Variants in YLPM1 observed in about 807,000 individuals in gnomAD.
YLPM1 encodes the protein YLP motif containing 1.
YLPM1 carries 99 observed loss-of-function variants against 230.0 expected under a neutral mutation model. The observed-to-expected ratio is 0.43, with a 90% CI of 0.37 to 0.51. YLPM1 has a LOEUF of 0.51. Among genes scored for constraint, YLPM1 ranks in the 20% least tolerant of loss-of-function variants. YLPM1 has a pLI of 0.00. For missense variants in YLPM1, 2,592 were observed against 2,707.7 expected (o/e 0.96, Z 0.95); for synonymous variants, 984 against 942.5 (o/e 1.04, Z -0.81).
At chr14:74,835,562 C>T (rs1156328824) in intron 20 of YLPM1, 115 bp downstream of exon 20, 1 of 916,598 alleles carries the variant, frequency 1.1e-6, no homozygotes, top group African/African-American at 1.7e-5. Context: ...TTTTATAGTT[C>T]TGAAAGAGTA....
intron 15 of YLPM1, among the ~76,000 whole-genome samples, chr14:74,817,898 A>G (rs141147607): frequency 0.013 from 1,961 of 151,938 alleles, 17 homozygotes; most frequent in Middle Eastern, 0.031. Context: ...CTACAAAAAA[A>G]TACAAAAATT....
chr14:74,800,482 A>G (rs1280356033), intron 5 of YLPM1, among the ~76,000 whole-genome samples: 1 of 152,228 alleles, frequency 6.6e-6, no homozygotes, highest in African/African-American at 2.4e-5. Context: ...TGGGATAGGA[A>G]TTTAGAAGTC....
At chr14:74,819,452 T>C (rs1201203725) in intron 16 of YLPM1, among the ~76,000 whole-genome samples, 1 of 152,110 alleles carries the variant, frequency 6.6e-6, no homozygotes, top group Non-Finnish European at 1.5e-5. Context: ...TTTTTGTATT[T>C]TTAGTAGAGA....
rs1445795180 is a variant in YLPM1, at chr14:74,818,300, G to A, written c.6016G>A (p.Ala2006Thr). Residue 2006 changes from alanine to threonine, a missense_variant, in exon 16 of 21, where the codon GCT becomes ACT. Around this residue, in one of 4 missense-constraint regions of YLPM1, gnomAD observed 315 missense variants for 429.3 expected, o/e 0.73. Coordinates refer to ENST00000325680, the MANE Select transcript of YLPM1 (RefSeq NM_019589.3). ...AGATATTCGTTCTTTGCTGCAAGATGCTGCTATTGAAGAGGTGAGTATCCT... is the reference window on the plus strand; with the variant it reads ...AGATATTCGTTCTTTGCTGCAAGATACTGCTATTGAAGAGGTGAGTATCCT... Reference protein sequence around the residue: ...RLDIRSLLQDAAIEEVEMEDF... With the variant: ...RLDIRSLLQDTAIEEVEMEDF... 2 of 1,601,486 alleles carry A rather than the reference G, an allele frequency of 1.2e-6. No individual in the cohort carries two copies. Among genetic ancestry groups the A allele is most frequent in the East Asian group, 2.2e-5 (1 of 44,534 alleles).
intron 6 of YLPM1, among the ~76,000 whole-genome samples, chr14:74,808,285 G>A (rs2091398562): frequency 6.6e-6 from 1 of 152,070 alleles, no homozygotes; most frequent in African/African-American, 2.4e-5. Context: ...CCATGTTGTA[G>A]CATGACTCAG....
At chr14:74,829,473 C>A (rs1284255248) in intron 19 of YLPM1, 130 bp downstream of exon 19, 3 of 1,287,232 alleles carry the variant, frequency 2.3e-6, no homozygotes, top group Admixed American at 4.4e-5. Context: ...TGTCATGTAT[C>A]CCAAGAAGGA....
At position 74,834,091 on chromosome 14, in the gene YLPM1, G is replaced by A. The variant is rs1457709918; in HGVS notation, c.6295-1174G>A. Among the ~76,000 whole-genome samples, 3 of 151,426 alleles carry A rather than the reference G, an allele frequency of 2.0e-5. No homozygotes were observed. In the East Asian group the frequency reaches 5.8e-4, roughly 29 times the overall value. On this transcript the variant is annotated intron_variant, in intron 19 of 20. Transcript: ENST00000325680. ...TGGCTGGGCATGGTGGCTCATGCTT[G>A]TAATCCTAGCACTTTGGGCGGCCAA...
chr14:74,793,469 C>T (rs1046014527), intron 4 of YLPM1, among the ~76,000 whole-genome samples: 18 of 151,962 alleles, frequency 1.2e-4, no homozygotes, highest in African/African-American at 4.4e-4. Context: ...TTATAAATAG[C>T]ACATTGTTCT....
At chr14:74,802,477 T>C in intron 5 of YLPM1, 79 bp from the exon 6 acceptor site, 1 of 1,478,306 alleles carries the variant, frequency 6.8e-7, no homozygotes, top group African/African-American at 1.4e-5. Context: ...TCTCCTTTTT[T>C]TAATTAAATA....
intron 10 of YLPM1, among the ~76,000 whole-genome samples, chr14:74,812,336 T>C (rs10483861): frequency 0.11 from 16,915 of 152,218 alleles, 1,357 homozygotes; most frequent in African/African-American, 0.23. Context: ...CAGCAAAGCA[T>C]TTATTATTCT....
At chr14:74,821,246 G>T in intron 17 of YLPM1, 109 bp downstream of exon 17, 2 of 1,364,658 alleles carry the variant, frequency 1.5e-6, no homozygotes, top group South Asian at 2.0e-5. Flanking sequence ...ACACTTTAGT[G>T]GTAAAAGTTT....
intron 4 of YLPM1, among the ~76,000 whole-genome samples, chr14:74,788,310 C>A (rs527283736): frequency 6.6e-6 from 1 of 152,130 alleles, no homozygotes; most frequent in East Asian, 1.9e-4. Context: ...TTAGTAGAGA[C>A]GGGGTTTCAC....
chr14:74,784,038 T>C lies in YLPM1; in HGVS notation c.2282+1713T>C, dbSNP rs183563650. ...TTACTGCCATGATTCAAGCCTATAC[T>C]GTCAGTGCTTATTTGGCATGTGTAT... On this transcript the variant is annotated intron_variant, in intron 4 of 20. Transcript: ENST00000325680. Among the ~76,000 whole-genome samples the C allele has an allele frequency of 5.3e-5, 8 of 152,360 alleles. No individual in the cohort carries two copies. The East Asian group carries it at 9.6e-4, about 18-fold the overall frequency.
intron 5 of YLPM1, among the ~76,000 whole-genome samples, chr14:74,801,230 T>C (rs1435026951): frequency 6.6e-6 from 1 of 152,216 alleles, no homozygotes; most frequent in Non-Finnish European, 1.5e-5. Flanking sequence ...ATGGATAATG[T>C]CATAGCCGAA....
chr14:74,802,717 C>T, intron 6 of YLPM1, 41 bp downstream of exon 6: 7 of 1,552,476 alleles, frequency 4.5e-6, no homozygotes, highest in Admixed American at 2.0e-5. Context: ...ATGGTTTCTA[C>T]TTTGTATGTT....
At chr14:74,826,419 A>G (rs1009244779) in intron 18 of YLPM1, among the ~76,000 whole-genome samples, 1 of 152,156 alleles carries the variant, frequency 6.6e-6, no homozygotes, top group African/African-American at 2.4e-5. Flanking sequence ...TACTTTACCA[A>G]CATTCTCCAA....
rs763144283 is a variant in YLPM1 at position 74,797,894 on chromosome 14, T to C, written c.2597T>C (p.Leu866Ser). ...AEPLSGNKEP[L>S]ADTSSNQQKN... Reference sequence around the variant, plus strand: ...CCTCTTTCAGGAAACAAAGAACCATTAGCAGACACCAGTAGTAACCAGCAG... The same window carrying C: ...CCTCTTTCAGGAAACAAAGAACCATCAGCAGACACCAGTAGTAACCAGCAG... Residue 866 changes from leucine to serine, a missense_variant, in exon 5 of 21, where the codon TTA (leucine) becomes TCA (serine). Transcript: ENST00000325680. The C allele has an allele frequency of 6.2e-7, 1 of 1,613,770 alleles. No homozygotes were observed. Among genetic ancestry groups the C allele is most frequent in the African/African-American group, 1.3e-5 (1 of 74,862 alleles).
chr14:74,778,607 C>A lies in YLPM1; in HGVS notation c.1034C>A (p.Ser345Tyr). The A allele has an allele frequency of 6.3e-7, 1 of 1,597,634 alleles. No individual in the cohort carries two copies. The highest frequency in any genetic ancestry group is 1.1e-5 in the South Asian group (1 of 87,634). The change falls in exon 2 of 21, where the codon TCT (serine) becomes TAT (tyrosine). Residue 345 changes from serine to tyrosine, a missense_variant. Coordinates refer to ENST00000325680, the MANE Select transcript of YLPM1 (RefSeq NM_019589.3). Reference sequence around the variant, plus strand: ...CCTGCCACCAGTCAAGTTCCAGAATCTCCTTCTTCTGAGGAGCCCCCATTG... The same window carrying A: ...CCTGCCACCAGTCAAGTTCCAGAATATCCTTCTTCTGAGGAGCCCCCATTG... ...TVPATSQVPE[S>Y]PSSEEPPLPP...
At chr14:74,783,348 A>G (rs2091114304) in intron 4 of YLPM1, among the ~76,000 whole-genome samples, 2 of 152,152 alleles carry the variant, frequency 1.3e-5, no homozygotes, top group South Asian at 4.1e-4. Context: ...TGGCCTCCCA[A>G]AGTGCTGGGA....
Sources: gnomAD v4.1 joint callset for allele counts (sites outside exome capture counted in the v4.1 genomes callset) on GRCh38, gnomAD v4.1.1 for gene constraint, gnomAD v4.1.1 regional missense constraint, MANE v1.5 for transcripts, NCBI Gene and HGNC (gene_info 2026-07-23, HGNC 2026-07-21) for gene names.